The following PRAG1 variants were observed in gnomAD, a reference collection of about 807,000 sequenced individuals.
PRAG1 encodes the protein PEAK1 related, kinase-activating pseudokinase 1, also known as inactive tyrosine-protein kinase PRAG1.
A neutral mutation model predicts 95.6 loss-of-function variants in PRAG1; 110 were observed. The ratio of observed to expected loss-of-function variants is 1.15; its 90% CI spans 0.99 to 1.35. The LOEUF (loss-of-function observed/expected upper bound fraction) is 1.35, where lower values mean the gene tolerates loss of function less well. Ranked by LOEUF, PRAG1 falls within the 40% of genes most tolerant of loss-of-function variation. The probability of loss-of-function intolerance (pLI) is 0.00; values close to 1 mark genes in which losing one functional copy is unlikely to be tolerated. For missense variants in PRAG1, 2,554 were observed against 1,864.7 expected, an observed-to-expected ratio of 1.37 and a Z score of -6.81; for synonymous variants, 1,052 against 819.4, an observed-to-expected ratio of 1.28 and a Z score of -4.85.
chr8:8,338,341 G>A (rs946014684), intron 4 of PRAG1, among the ~76,000 whole-genome samples: 1 of 152,238 alleles, frequency 6.6e-6, no homozygotes, highest in Non-Finnish European at 1.5e-5. Context: ...GCTGGTTGGT[G>A]ACTGATGGTT....
chr8:8,328,429 T>A lies in PRAG1; in HGVS notation c.2353A>T (p.Asn785Tyr). The change falls in exon 5 of 6, where the codon AAC (asparagine) becomes TAC (tyrosine). Residue 785 changes from asparagine (N) to tyrosine (Y), a missense_variant. Coordinates refer to ENST00000615670, the MANE Select transcript of PRAG1 (RefSeq NM_001080826.3). Reference protein sequence around the residue: ...PSSELAHSPTNSGKKLFAPVP... With the variant: ...PSSELAHSPTYSGKKLFAPVP... ...GGAGCAAAGAGCTTCTTCCCGCTGT[T>A]GGTGGGCGAGTGAGCCAGCTCAGAC... The A allele has an allele frequency of 6.2e-7, 1 of 1,613,654 alleles. No individual in the cohort carries two copies. The highest frequency in any genetic ancestry group is 1.3e-5 in the African/African-American group (1 of 75,020).
At chr8:8,336,342 T>G (rs1036557223) in intron 4 of PRAG1, among the ~76,000 whole-genome samples, 15 of 152,178 alleles carry the variant, frequency 9.9e-5, no homozygotes, top group African/African-American at 3.1e-4. Flanking sequence ...TTTCTGATCA[T>G]CATTTCCCTC....
chr8:8,336,387 C>A (rs1315510074), intron 4 of PRAG1, among the ~76,000 whole-genome samples: 1 of 152,212 alleles, frequency 6.6e-6, no homozygotes, highest in Non-Finnish European at 1.5e-5. Flanking sequence ...CAAAAACCTT[C>A]CCCTTGGCAG....
chr8:8,376,770 T>TG lies in PRAG1; in HGVS notation c.1638dup (p.Lys547GlnfsTer6), dbSNP rs34504152. 1 of 1,610,550 alleles carries TG rather than the reference T, an allele frequency of 6.2e-7. No homozygotes were observed. The highest frequency in any genetic ancestry group is 8.5e-7 in the Non-Finnish European group (1 of 1,179,868). ...CCTACAGGGCTACTCTTGGACAACTTGGGGGGAATGGCGGGCCTCTCCTTG... is the reference window on the plus strand; with the variant it reads ...CCTACAGGGCTACTCTTGGACAACTTGGGGGGGAATGGCGGGCCTCTCCTTG... On this transcript the variant is annotated frameshift_variant, in exon 3 of 6. Transcript: ENST00000615670. LOFTEE classifies it high-confidence loss of function.
intron 4 of PRAG1, 39 bp from the exon 5 acceptor site, chr8:8,328,500 T>A: frequency 2.5e-6 from 4 of 1,601,026 alleles, no homozygotes. Context: ...CCAAGGCCAG[T>A]GCCACTCAAT....
Position 8,376,932 on chromosome 8 carries a change from G to A in PRAG1, c.1477C>T (p.Pro493Ser). The A allele has an allele frequency of 6.2e-7, 1 of 1,613,396 alleles. No homozygotes were observed. Among genetic ancestry groups the A allele is most frequent in the African/African-American group, 1.3e-5 (1 of 75,052 alleles). Residue 493 changes from proline (P) to serine (S), a missense_variant, in exon 3 of 6, where the codon CCT becomes TCT. By Grantham distance (74) the Pro-to-Ser change is moderately conservative. Transcript: ENST00000615670. ...EDHRTIYLSS[P>S]DSAVGVQWPR... ...CACTGCACCCCCACTGCAGAGTCAG[G>A]GCTGCTCAGGTAGATCGTCCGATGG...
chr8:8,331,847 C>T (rs922269378), intron 4 of PRAG1, among the ~76,000 whole-genome samples: 1 of 152,188 alleles, frequency 6.6e-6, no homozygotes, highest in Non-Finnish European at 1.5e-5. Flanking sequence ...AGATCTACAC[C>T]GTATCACTAC....
intron 3 of PRAG1, among the ~76,000 whole-genome samples, chr8:8,354,292 G>A (rs541945784): frequency 2.0e-5 from 3 of 151,638 alleles, no homozygotes; most frequent in African/African-American, 4.8e-5. Flanking sequence ...ACGTTCCAAC[G>A]AAGAAAACCC....
chr8:8,376,929 C>G lies in PRAG1; in HGVS notation c.1480G>C (p.Asp494His), dbSNP rs1800424783. 1 of 1,613,288 alleles carries G rather than the reference C, an allele frequency of 6.2e-7. No homozygotes were observed. The highest frequency in any genetic ancestry group is 1.7e-5 in the Admixed American group (1 of 60,008). The change falls in exon 3 of 6, where the codon GAC becomes CAC. Residue 494 changes from aspartate to histidine, a missense_variant. By Grantham distance (81) the Asp-to-His change is moderately conservative. Coordinates refer to ENST00000615670, the MANE Select transcript of PRAG1 (RefSeq NM_001080826.3). Reference sequence around the variant, plus strand: ...GGCCACTGCACCCCCACTGCAGAGTCAGGGCTGCTCAGGTAGATCGTCCGA... The same window carrying G: ...GGCCACTGCACCCCCACTGCAGAGTGAGGGCTGCTCAGGTAGATCGTCCGA... ...DHRTIYLSSP[D>H]SAVGVQWPRG...
intron 5 of PRAG1, among the ~76,000 whole-genome samples, chr8:8,324,179 G>A (rs745372265): frequency 5.9e-5 from 9 of 152,332 alleles, no homozygotes; most frequent in Non-Finnish European, 1.3e-4. Flanking sequence ...GAGCTGGCCT[G>A]CAGGTATTGT....
intron 2 of PRAG1, among the ~76,000 whole-genome samples, chr8:8,379,065 G>A (rs189266200): frequency 2.7e-5 from 4 of 150,656 alleles, no homozygotes; most frequent in African/African-American, 4.9e-5. Flanking sequence ...AGTGAGGGGT[G>A]GTTTCTGAAC....
At chr8:8,382,822 T>C (rs1277286282) in intron 1 of PRAG1, among the ~76,000 whole-genome samples, 1 of 152,164 alleles carries the variant, frequency 6.6e-6, no homozygotes, top group Non-Finnish European at 1.5e-5. Flanking sequence ...GTGGGGAAAC[T>C]ATGGCAAACA....
chr8:8,319,385 C>T (rs2117093699), intron 5 of PRAG1, 83 bp from the exon 6 acceptor site: 2 of 1,202,480 alleles, frequency 1.7e-6, no homozygotes. Context: ...TGAGTATCTA[C>T]GTGCAATAAG....
intron 1 of PRAG1, among the ~76,000 whole-genome samples, chr8:8,384,608 CAAA>C (rs11400182): frequency 0.032 from 2,963 of 92,480 alleles, 52 homozygotes; most frequent in African/African-American, 0.08. Context: ...CGCATGCAGC[CAAA>C]AAAAAAAAAA....
chr8:8,338,700 G>T (rs1326091036), intron 4 of PRAG1, among the ~76,000 whole-genome samples: 1 of 152,230 alleles, frequency 6.6e-6, no homozygotes, highest in African/African-American at 2.4e-5. Flanking sequence ...GTTGCTGACA[G>T]TAAATTTGCA....
chr8:8,327,986 C>A lies in PRAG1; in HGVS notation c.2796G>T (p.Gly932=), dbSNP rs1406064655. 3.1e-6 allele frequency: 5 copies of A among 1,597,228 alleles called. No homozygotes were observed. Among genetic ancestry groups the A allele is most frequent in the Non-Finnish European group, 4.3e-6 (5 of 1,170,510 alleles). Residue 932 remains glycine, a synonymous_variant, in exon 5 of 6, where the codon GGG becomes GGT. Transcript: ENST00000615670. ...GACCGTGCAGCTGAAGCTGGGTGCTCCCGGTGGAGGCTTGACTGGACACGC... is the reference window on the plus strand; with the variant it reads ...GACCGTGCAGCTGAAGCTGGGTGCTACCGGTGGAGGCTTGACTGGACACGC... ...QLSVSSQAST[G]STQLQLHGLL... is the part of the protein sequence containing the mutation.
intron 3 of PRAG1, among the ~76,000 whole-genome samples, chr8:8,364,511 C>T (rs960440531): frequency 2.0e-5 from 3 of 152,130 alleles, no homozygotes; most frequent in Non-Finnish European, 4.4e-5. Context: ...GAAGTCAAAG[C>T]CATCATTTTA....
At chr8:8,367,572 C>A (rs1213908059) in intron 3 of PRAG1, among the ~76,000 whole-genome samples, 1 of 149,080 alleles carries the variant, frequency 6.7e-6, no homozygotes, top group Non-Finnish European at 1.5e-5. Flanking sequence ...TCGTGACCTT[C>A]AAGGTCATAA....
At chr8:8,349,601 G>T (rs901891171) in intron 3 of PRAG1, among the ~76,000 whole-genome samples, 3 of 151,994 alleles carry the variant, frequency 2.0e-5, no homozygotes, top group Non-Finnish European at 2.9e-5. Flanking sequence ...TATTTTTATC[G>T]TTGGAGCTTT....
Sources: allele counts gnomAD v4.1 joint callset (sites outside exome capture counted in the v4.1 genomes callset), GRCh38; gene constraint gnomAD v4.1.1; transcripts MANE v1.5; gene names NCBI Gene and HGNC (gene_info 2026-07-23, HGNC 2026-07-21).